Variants in CTNNA3 observed in about 807,000 individuals in gnomAD.
The protein encoded by CTNNA3 is catenin alpha-3.
In CTNNA3, 76 loss-of-function variants were observed where a neutral mutation model predicts 95.7. That is an observed-to-expected ratio of 0.79 (90% CI 0.66 to 0.96). CTNNA3 has a LOEUF of 0.96. CTNNA3 is among the 40% of genes least tolerant of loss of function. The probability of loss-of-function intolerance (pLI) is 0.00; values close to 1 mark genes in which losing one functional copy is unlikely to be tolerated. For synonymous variants in CTNNA3, 431 were observed against 374.4 expected (o/e 1.15, Z -1.74); for missense variants, 1,191 against 1,089.8 (o/e 1.09, Z -1.31).
At chr10:66,187,753 TAAAC>T (rs1257414972) in intron 13 of CTNNA3, among the ~76,000 whole-genome samples, 2 of 151,590 alleles carry the variant, frequency 1.3e-5, no homozygotes, top group Admixed American at 6.6e-5. Context: ...ATTAAACAAA[TAAAC>T]AACAGCAACA....
At chr10:66,735,930 G>A (rs1484344462) in intron 9 of CTNNA3, among the ~76,000 whole-genome samples, 4 of 152,148 alleles carry the variant, frequency 2.6e-5, no homozygotes, top group Admixed American at 2.6e-4. Context: ...AGCATTCCAT[G>A]TGTCCCTCTC....
At chr10:66,541,544 T>G (rs944358224) in intron 10 of CTNNA3, among the ~76,000 whole-genome samples, 3 of 152,130 alleles carry the variant, frequency 2.0e-5, no homozygotes, top group Non-Finnish European at 4.4e-5. Context: ...ACTAATCTAT[T>G]AAAGGATTTT....
At chr10:65,972,047 A>G (rs1339685849) in intron 16 of CTNNA3, among the ~76,000 whole-genome samples, 1 of 152,178 alleles carries the variant, frequency 6.6e-6, no homozygotes, top group Non-Finnish European at 1.5e-5. Flanking sequence ...AAACAGAATT[A>G]ATAACAAAAA....
At chr10:66,672,642 T>C (rs989691293) in intron 9 of CTNNA3, among the ~76,000 whole-genome samples, 1 of 152,128 alleles carries the variant, frequency 6.6e-6, no homozygotes, top group Admixed American at 6.6e-5. Context: ...ACAAGGTATT[T>C]GGTTATGGTG....
intron 9 of CTNNA3, among the ~76,000 whole-genome samples, chr10:66,746,759 A>G (rs1474021903): frequency 1.3e-5 from 2 of 152,214 alleles, no homozygotes; most frequent in African/African-American, 4.8e-5. Flanking sequence ...ATAAGTATCA[A>G]ATTTTGCACA....
At chr10:66,260,509 C>T (rs1009825888) in intron 13 of CTNNA3, among the ~76,000 whole-genome samples, 3 of 152,102 alleles carry the variant, frequency 2.0e-5, no homozygotes, top group African/African-American at 7.2e-5. Context: ...AATCTGTATG[C>T]CCTTTCTCCA....
At chr10:66,426,281 G>T (rs953078975) in intron 11 of CTNNA3, among the ~76,000 whole-genome samples, 3 of 151,924 alleles carry the variant, frequency 2.0e-5, no homozygotes, top group African/African-American at 7.2e-5. Flanking sequence ...CTCAGTTATT[G>T]TTTTAATTAT....
chr10:67,296,856 C>A (rs992636581), intron 5 of CTNNA3, among the ~76,000 whole-genome samples: 16 of 147,026 alleles, frequency 1.1e-4, no homozygotes, highest in African/African-American at 4.1e-4. Flanking sequence ...ATCGCTTCAA[C>A]CCGGGAGGCA....
At chr10:67,451,095 G>C (rs980801635) in intron 5 of CTNNA3, among the ~76,000 whole-genome samples, 3 of 151,978 alleles carry the variant, frequency 2.0e-5, no homozygotes, top group African/African-American at 7.2e-5. Flanking sequence ...GAGTGAGTTA[G>C]TTATCTCAGG....
At chr10:66,753,263 G>A (rs1373824846) in intron 9 of CTNNA3, among the ~76,000 whole-genome samples, 1 of 152,098 alleles carries the variant, frequency 6.6e-6, no homozygotes, top group Non-Finnish European at 1.5e-5. Context: ...TTCACTGTTA[G>A]CCTTTGGAGG....
In CTNNA3 at chr10:67,365,724, C is replaced by G. The variant is rs184142631; in HGVS notation, c.580-145854G>C. Among the ~76,000 whole-genome samples, 498 of 152,294 alleles carry G rather than the reference C, an allele frequency of 3.3e-3. 3 individuals are homozygous for G. Among genetic ancestry groups the G allele is most frequent in the African/African-American group, 0.011 (451 of 41,556 alleles). On this transcript the variant is annotated intron_variant, in intron 5 of 17. Coordinates refer to ENST00000433211, the MANE Select transcript of CTNNA3 (RefSeq NM_013266.4). ...TGGCAATCATTAAAAAGTCAGGAAA[C>G]AACAGATGCTGGAGAGGATGTGAAG... is the stretch of plus-strand genomic sequence containing the variant.
In CTNNA3 at chr10:66,982,843, G is replaced by C. The variant is rs548674693; in HGVS notation, c.1047+197474C>G. Among the ~76,000 whole-genome samples the C allele has an allele frequency of 4.6e-5, 7 of 152,286 alleles. No homozygotes were observed. The South Asian group carries it at 1.5e-3, about 32-fold the overall frequency. On this transcript the variant is annotated intron_variant, in intron 7 of 17. Coordinates refer to ENST00000433211, the MANE Select transcript of CTNNA3 (RefSeq NM_013266.4). ...ATTATGAGAACATTAGGGACCCTAA[G>C]AGAGAAGCTGAAGTCCTTCAGCTGA...
At chr10:66,161,078 T>C (rs936822683) in intron 13 of CTNNA3, among the ~76,000 whole-genome samples, 1 of 152,200 alleles carries the variant, frequency 6.6e-6, no homozygotes, top group Non-Finnish European at 1.5e-5. Context: ...AGTCCTTATG[T>C]GTAAGGTGAG....
intron 17 of CTNNA3, among the ~76,000 whole-genome samples, chr10:65,961,878 G>C (rs1309606756): frequency 6.6e-6 from 1 of 151,964 alleles, no homozygotes; most frequent in Non-Finnish European, 1.5e-5. Flanking sequence ...CATTGTTAGA[G>C]CCGTATAAGC....
Position 66,808,875 on chromosome 10 carries a change from C to T in CTNNA3, c.1048-33351G>A, listed in dbSNP as rs183396344. ...TGGTCATTTAAAATTATGAAAAAAT[C>T]CAATGATAAATATAATCAAAACTTT... On this transcript the variant is annotated intron_variant, in intron 7 of 17. Transcript: ENST00000433211. 5.2e-3 allele frequency among the ~76,000 whole-genome samples: 793 copies of T among 152,210 alleles called. 5 individuals carry two copies. Among genetic ancestry groups the T allele is most frequent in the African/African-American group, 0.018 (764 of 41,558 alleles).
intron 7 of CTNNA3, among the ~76,000 whole-genome samples, chr10:66,820,203 T>C (rs4517411): frequency 0.84 from 128,352 of 152,094 alleles, 54,258 homozygotes; most frequent in East Asian, 0.97. Flanking sequence ...ATGGATAAAC[T>C]TTGAAAACAT....
At chr10:67,000,840 T>C (rs754831946) in intron 7 of CTNNA3, among the ~76,000 whole-genome samples, 5 of 152,176 alleles carry the variant, frequency 3.3e-5, no homozygotes, top group African/African-American at 4.8e-5. Flanking sequence ...TAAGGCAATC[T>C]GAGAATTTAA....
intron 2 of CTNNA3, among the ~76,000 whole-genome samples, chr10:67,620,938 T>G (rs1380062213): frequency 6.8e-5 from 10 of 147,058 alleles, no homozygotes; most frequent in Admixed American, 5.4e-4. Context: ...TATATATATA[T>G]ATATATATAT....
chr10:66,121,507 A>G (rs550545669), intron 13 of CTNNA3, among the ~76,000 whole-genome samples: 1 of 152,220 alleles, frequency 6.6e-6, no homozygotes, highest in East Asian at 1.9e-4. Context: ...CTAGCTTAAT[A>G]AATCACATGG....
Sources: gnomAD v4.1 joint callset for allele counts (sites outside exome capture counted in the v4.1 genomes callset) on GRCh38, gnomAD v4.1.1 for gene constraint, MANE v1.5 for transcripts, NCBI Gene and HGNC (gene_info 2026-07-23, HGNC 2026-07-21) for gene names.